VPS53: variants seen among roughly 807,000 people sequenced by gnomAD.
VPS53 encodes the protein VPS53 subunit of GARP complex, also known as vacuolar protein sorting-associated protein 53 homolog.
Under a neutral mutation model 107.0 loss-of-function variants are expected in VPS53, and 70 were observed. That is an observed-to-expected ratio of 0.65 (90% CI 0.54 to 0.80). The LOEUF (loss-of-function observed/expected upper bound fraction) is 0.80, where lower values mean the gene tolerates loss of function less well. Among genes scored for constraint, VPS53 ranks in the 30% least tolerant of loss-of-function variants. The pLI, the probability that VPS53 is intolerant of heterozygous loss-of-function variation, is 0.00. For missense variants in VPS53, 917 were observed against 1,049.4 expected, an observed-to-expected ratio of 0.87 and a Z score of 1.74; for synonymous variants, 409 against 393.3, an observed-to-expected ratio of 1.04 and a Z score of -0.47.
chr17:689,464 ATTTTTTTTT>A lies in VPS53; in HGVS notation c.285+7945_285+7953del, dbSNP rs1184638230. 3.4e-3 allele frequency among the ~76,000 whole-genome samples: 383 copies of A among 111,630 alleles called. 7 individuals are homozygous for A. The East Asian group carries it at 0.073, about 21-fold the overall frequency. The allele number at this position is 111,630 out of a possible 152,430, so 73.2% of individuals were successfully genotyped here. A position where few individuals can be genotyped will look rare whatever the true frequency, so the allele number is the denominator to read the frequency against. On this transcript the variant is annotated intron_variant, in intron 4 of 21. Coordinates refer to ENST00000437048, the MANE Select transcript of VPS53 (RefSeq NM_001128159.3). ...AGGTTTGTGCCACCATGCTGGACTA[ATTTTTTTTT>A]TTTTTTTTTTTTTTTTTTGAGATGG...
chr17:630,091 C>T (rs547105388), intron 8 of VPS53, among the ~76,000 whole-genome samples: 1 of 152,034 alleles, frequency 6.6e-6, no homozygotes, highest in Admixed American at 6.6e-5. Context: ...GTTGGGAGTT[C>T]GAAACCATCC....
At position 714,649 on chromosome 17, in the gene VPS53, G is replaced by C; in HGVS notation, c.61C>G (p.Pro21Ala). The C allele has an allele frequency of 6.2e-7, 1 of 1,612,774 alleles. No homozygotes were observed. The highest frequency in any genetic ancestry group is 8.5e-7 in the Non-Finnish European group (1 of 1,179,456). ...TGCTCGATGGCCAGCTGCACCTCGGGCGTGAGCTGCAGCACGGCTTCCAGC... is the reference window on the plus strand; with the variant it reads ...TGCTCGATGGCCAGCTGCACCTCGGCCGTGAGCTGCAGCACGGCTTCCAGC... ...EELEAVLQLTPEVQLAIEQVF... is the reference protein window; with the variant it reads ...EELEAVLQLTAEVQLAIEQVF... Residue 21 changes from proline (P) to alanine (A), a missense_variant, in exon 1 of 22, where the codon CCC (proline) becomes GCC (alanine). Transcript: ENST00000437048.
intron 8 of VPS53, among the ~76,000 whole-genome samples, chr17:629,371 G>C (rs1028347034): frequency 1.3e-5 from 2 of 152,198 alleles, no homozygotes; most frequent in African/African-American, 4.8e-5. Context: ...AGTTTACTAG[G>C]TTGTGCCTTG....
chr17:662,412 G>C (rs952141912), intron 4 of VPS53, among the ~76,000 whole-genome samples: 23 of 152,160 alleles, frequency 1.5e-4, no homozygotes, highest in African/African-American at 5.3e-4. Flanking sequence ...ACACTGGGCC[G>C]GACACAGTGG....
intron 12 of VPS53, among the ~76,000 whole-genome samples, chr17:599,149 G>C (rs1306867178): frequency 6.9e-6 from 1 of 145,388 alleles, no homozygotes; most frequent in Non-Finnish European, 1.5e-5. Flanking sequence ...CCCCCCGCCC[G>C]GCCAGCCGCC....
intron 4 of VPS53, among the ~76,000 whole-genome samples, chr17:680,132 A>G (rs1445428454): frequency 1.3e-5 from 2 of 152,206 alleles, no homozygotes; most frequent in African/African-American, 4.8e-5. Context: ...CATCTCTACT[A>G]CAAATACAAA....
chr17:598,646 G>GGCC (rs1293107349), intron 12 of VPS53, among the ~76,000 whole-genome samples: 2 of 145,634 alleles, frequency 1.4e-5, no homozygotes, highest in African/African-American at 5.0e-5. Flanking sequence ...ACCTCTGCCC[G>GGCC]GCCGCGACCC....
At chr17:695,862 T>C (rs1032281765) in intron 4 of VPS53, among the ~76,000 whole-genome samples, 2 of 152,136 alleles carry the variant, frequency 1.3e-5, no homozygotes, top group Non-Finnish European at 2.9e-5. Flanking sequence ...TTGGATTTCA[T>C]TTAGTGGCCA....
intron 12 of VPS53, among the ~76,000 whole-genome samples, chr17:594,004 T>C (rs1289546140): frequency 6.6e-6 from 1 of 152,244 alleles, no homozygotes; most frequent in African/African-American, 2.4e-5. Flanking sequence ...TTCGCGTCCT[T>C]TGTAGGGACA....
At chr17:547,942 C>G (rs1445643245) in intron 17 of VPS53, among the ~76,000 whole-genome samples, 1 of 152,164 alleles carries the variant, frequency 6.6e-6, no homozygotes, top group African/African-American at 2.4e-5. Flanking sequence ...AGGGTGAATT[C>G]TGTGGTATAT....
At chr17:543,189 C>T (rs1298779892) in intron 17 of VPS53, among the ~76,000 whole-genome samples, 2 of 151,972 alleles carry the variant, frequency 1.3e-5, no homozygotes, top group Non-Finnish European at 2.9e-5. Flanking sequence ...TGTCTTGATT[C>T]AACGTAGAAG....
intron 6 of VPS53, among the ~76,000 whole-genome samples, chr17:653,875 G>C (rs531662849): frequency 1.6e-4 from 24 of 152,192 alleles, no homozygotes; most frequent in African/African-American, 5.5e-4. Flanking sequence ...CAAAGGGTGC[G>C]GCCAGGCGCG....
chr17:556,441 T>C (rs746855857), intron 15 of VPS53, among the ~76,000 whole-genome samples: 1 of 152,240 alleles, frequency 6.6e-6, no homozygotes, highest in Non-Finnish European at 1.5e-5. Context: ...CAAACGATCT[T>C]TGCAATTTTT....
intron 2 of VPS53, among the ~76,000 whole-genome samples, chr17:705,422 G>GT (rs1314501629): frequency 1.1e-5 from 1 of 90,494 alleles, no homozygotes; most frequent in African/African-American, 3.3e-5. Context: ...GGCCCAGTCT[G>GT]TAAAAAAAAA....
chr17:662,828 AG>A (rs1332726779), intron 4 of VPS53, among the ~76,000 whole-genome samples: 4,347 of 88,754 alleles, frequency 0.049, 270 homozygotes, highest in Middle Eastern at 0.11. Context: ...AAAGAGAAAG[AG>A]AAAGAAAGGA....
intron 11 of VPS53, among the ~76,000 whole-genome samples, chr17:605,942 G>T (rs557077684): frequency 7.9e-5 from 12 of 151,962 alleles, no homozygotes; most frequent in African/African-American, 2.9e-4. Flanking sequence ...GATCTAATTT[G>T]GATTTTAAAA....
chr17:518,813 G>T lies in VPS53; in HGVS notation c.*315C>A. On this transcript the variant is annotated 3_prime_UTR_variant, in exon 22 of 22. Coordinates refer to ENST00000437048, the MANE Select transcript of VPS53 (RefSeq NM_001128159.3). ...AAAAAAGGACGGGTGGGGCCCACGT[G>T]TCAAGAGGGTGTGACTGCCATGGGG... 1 of 222,046 alleles carries T rather than the reference G, an allele frequency of 4.5e-6. No individual in the cohort carries two copies. Among genetic ancestry groups the T allele is most frequent in the Non-Finnish European group, 8.6e-6 (1 of 115,768 alleles). 13.8% of individuals were successfully genotyped at this position (222,046 alleles called of 1,614,324 possible).
intron 16 of VPS53, 91 bp downstream of exon 16, chr17:553,289 C>T (rs554532054): frequency 8.5e-5 from 104 of 1,220,474 alleles, no homozygotes; most frequent in Non-Finnish European, 1.0e-4. Flanking sequence ...GGGCAGGCAG[C>T]GAGCAAGCGT....
chr17:674,376 G>A (rs866372397), intron 4 of VPS53: 1 of 152,030 alleles, frequency 6.6e-6, no homozygotes, highest in Non-Finnish European at 1.5e-5. Context: ...CATCTATATC[G>A]TAAGTCTTCA....
Sources: gnomAD v4.1 joint callset for allele counts (sites outside exome capture counted in the v4.1 genomes callset) on GRCh38, gnomAD v4.1.1 for gene constraint, MANE v1.5 for transcripts, NCBI Gene and HGNC (gene_info 2026-07-23, HGNC 2026-07-21) for gene names.